PCF11: variants seen among roughly 807,000 people sequenced by gnomAD.
PCF11 encodes PCF11 cleavage and polyadenylation factor subunit, also known as pre-mRNA cleavage complex 2 protein Pcf11.
In PCF11, 19 loss-of-function variants were observed where a neutral mutation model predicts 166.1. The observed-to-expected ratio is 0.11, with a 90% CI of 0.08 to 0.17. The LOEUF (loss-of-function observed/expected upper bound fraction) is 0.17, where lower values mean the gene tolerates loss of function less well. PCF11 is among the 10% of genes least tolerant of loss of function. PCF11 has a pLI of 1.00. For missense variants in PCF11, 1,565 were observed against 1,855.5 expected, an observed-to-expected ratio of 0.84 and a Z score of 2.88; for synonymous variants, 663 against 644.1, an observed-to-expected ratio of 1.03 and a Z score of -0.44.
chr11:83,166,372 T>C (rs770363269), exon 5 of PCF11: 5 of 1,613,900 alleles, frequency 3.1e-6, no homozygotes, highest in Non-Finnish European at 4.2e-6. Context: ...TCACCAATTA[T>C]ACATTCCCCA....
intron 1 of PCF11, among the ~76,000 whole-genome samples, chr11:83,159,238 G>T (rs143348122): frequency 0.02 from 3,079 of 152,018 alleles, 103 homozygotes; most frequent in African/African-American, 0.07. Flanking sequence ...GGAAGCATTC[G>T]TCATACTCAA....
exon 1 of PCF11, chr11:83,157,297 C>G (rs565223483): frequency 1.4e-6 from 1 of 704,936 alleles, no homozygotes; most frequent in Non-Finnish European, 2.3e-6. Context: ...GTGTCGTCCC[C>G]CATCCCCCCT....
exon 16 of PCF11, chr11:83,186,276 T>C (rs929145907): frequency 3.9e-5 from 6 of 152,128 alleles, no homozygotes; most frequent in African/African-American, 1.4e-4. Context: ...AGGAGTGGAG[T>C]CCATACTGAT....
At chr11:83,160,200 A>G (rs1860178262) in intron 1 of PCF11, among the ~76,000 whole-genome samples, 1 of 151,930 alleles carries the variant, frequency 6.6e-6, no homozygotes, top group African/African-American at 2.4e-5. Flanking sequence ...GTTTTATTAT[A>G]TATGATGGCA....
At chr11:83,186,050 G>T (rs1292103652) in exon 16 of PCF11, 1 of 152,158 alleles carries the variant, frequency 6.6e-6, no homozygotes, top group Non-Finnish European at 1.5e-5. Context: ...ATGGTAGATG[G>T]TGTCCCCACT....
chr11:83,178,567 A>G (rs1354657709), intron 11 of PCF11, among the ~76,000 whole-genome samples: 1 of 151,896 alleles, frequency 6.6e-6, no homozygotes, highest in Admixed American at 6.6e-5. Flanking sequence ...AGGCCGAGGC[A>G]GGTGGATCAC....
rs1177543127 is a variant in PCF11, at chr11:83,177,744, C to G, written c.3908C>G (p.Pro1303Arg). The change falls in exon 11 of 16, where the codon CCT (proline) becomes CGT (arginine). Residue 1303 changes from proline to arginine, a missense_variant. Pro to Arg is a moderately radical substitution (Grantham distance 103, BLOSUM62 -2). Coordinates refer to ENST00000298281, the Ensembl canonical transcript of PCF11. Reference sequence around the variant, plus strand: ...AGTGAAGTAACTGCTCAGCCTCCCCCTGAAGAGGAGGAAGATCAAAATGAA... The same window carrying G: ...AGTGAAGTAACTGCTCAGCCTCCCCGTGAAGAGGAGGAAGATCAAAATGAA... The G allele has an allele frequency of 3.2e-6, 5 of 1,542,608 alleles. No individual in the cohort carries two copies. In the Admixed American group the frequency reaches 9.8e-5, roughly 30 times the overall value.
At position 83,182,520 on chromosome 11, in the gene PCF11, TTAAGA is replaced by T. The variant is rs770974110; in HGVS notation, c.4416+31_4416+35del. 7.0e-5 allele frequency: 76 copies of T among 1,078,476 alleles called. 1 individual carries two copies. Among genetic ancestry groups the T allele is most frequent in the Non-Finnish European group, 1.1e-4 (76 of 703,294 alleles). The allele number at this position is 1,078,476 out of a possible 1,614,324, so 66.8% of individuals were successfully genotyped here. On this transcript the variant is annotated intron_variant, in intron 14 of 15. Coordinates refer to ENST00000298281, the Ensembl canonical transcript of PCF11. ...ATTTTCATTTCTTTATAAGGAAGTGTTAAGATTAGTGTTTTTTTGTTGGGTTAACA... is the reference window on the plus strand; with the variant it reads ...ATTTTCATTTCTTTATAAGGAAGTGTTTAGTGTTTTTTTGTTGGGTTAACA...
Position 83,165,760 on chromosome 11 carries a change from A to G in PCF11, c.863A>G (p.Gln288Arg), listed in dbSNP as rs537570026. The G allele has an allele frequency of 3.1e-6, 5 of 1,613,260 alleles. No individual in the cohort carries two copies. The South Asian group carries it at 4.4e-5, about 14-fold the overall frequency. The change falls in exon 5 of 16, where the codon CAG becomes CGG. Residue 288 changes from glutamine (Q) to arginine (R), a missense_variant. Around this residue, in one of 12 missense-constraint regions of PCF11, gnomAD observed 468 missense variants for 483.4 expected, o/e 0.97. Coordinates refer to ENST00000298281, the Ensembl canonical transcript of PCF11. Reference sequence around the variant, plus strand: ...CGTCCAGGACCATCCTTACAAATTCAGGATTTAAAAGGAACTAACCGGGAT... The same window carrying G: ...CGTCCAGGACCATCCTTACAAATTCGGGATTTAAAAGGAACTAACCGGGAT...
intron 9 of PCF11, among the ~76,000 whole-genome samples, chr11:83,175,630 C>G (rs1157238973): frequency 6.6e-6 from 1 of 152,126 alleles, no homozygotes; most frequent in Non-Finnish European, 1.5e-5. Context: ...TGGCACGCAC[C>G]TGTAGTCCAG....
intron 11 of PCF11, among the ~76,000 whole-genome samples, chr11:83,178,641 G>A (rs927322279): frequency 4.0e-5 from 6 of 151,722 alleles, no homozygotes; most frequent in South Asian, 4.2e-4. Context: ...GTGAAACCCC[G>A]TCTCTACTAA....
intron 4 of PCF11, among the ~76,000 whole-genome samples, chr11:83,164,605 A>G (rs1860380378): frequency 6.6e-6 from 1 of 152,120 alleles, no homozygotes; most frequent in Admixed American, 6.6e-5. Flanking sequence ...TGCATAGGCC[A>G]GGCGCAGTGG....
Position 83,167,089 on chromosome 11 carries a change from A to G in PCF11, c.1818-36A>G, listed in dbSNP as rs201075718. The G allele has an allele frequency of 3.2e-5, 48 of 1,518,348 alleles. No individual in the cohort carries two copies. Among genetic ancestry groups the G allele is most frequent in the African/African-American group, 9.7e-5 (7 of 72,076 alleles). The allele number at this position is 1,518,348 out of a possible 1,614,324, so 94.1% of individuals were successfully genotyped here. ...ATGGTCCTGAGTATTTTTTAAAAAA[A>G]CATTTCAATGTAACATACTGCTTTT... On this transcript the variant is annotated intron_variant, in intron 5 of 15. Coordinates refer to ENST00000298281, the Ensembl canonical transcript of PCF11. The surrounding 1 kb of genome is among the most constrained non-coding windows in gnomAD (Gnocchi z 4.2).
intron 1 of PCF11, chr11:83,158,620 CGTCCCA>C (rs1860102911): frequency 1.3e-5 from 2 of 152,190 alleles, no homozygotes; most frequent in Non-Finnish European, 1.5e-5. Context: ...GTTTTAATAG[CGTCCCA>C]GTGCTACATT....
At chr11:83,185,601 AT>A (rs141819514) in exon 16 of PCF11, 15,711 of 151,140 alleles carry the variant, frequency 0.1, 960 homozygotes, top group Middle Eastern at 0.22. Flanking sequence ...ACTAAAGGTG[AT>A]TTTTTTTTTA....
Position 83,160,321 on chromosome 11 carries a change from G to GTTT in PCF11, c.193-986_193-984dup, listed in dbSNP as rs35201107. 7.7e-3 allele frequency among the ~76,000 whole-genome samples: 704 copies of GTTT among 91,156 alleles called. 8 individuals carry two copies. Among genetic ancestry groups the GTTT allele is most frequent in the Non-Finnish European group, 8.6e-3 (415 of 48,400 alleles). The allele number at this position is 91,156 out of a possible 152,430, so 59.8% of individuals were successfully genotyped here. ...GGGTGGGTAAATGGGGATAACCTAA[G>GTTT]TTTTTTTTTTTTTTTTTTTTTTGTC... On this transcript the variant is annotated intron_variant, in intron 1 of 15. Transcript: ENST00000298281.
chr11:83,182,011 TGA>T lies in PCF11; in HGVS notation c.4323+7_4323+8del. On this transcript the variant is annotated splice_donor_region_variant and intron_variant, in intron 13 of 15. Transcript: ENST00000298281. ...GCTGGACCAGCTGGAGCAGTTGAGG[TGA>T]GAGAAGAACGTTTAAGTTTTCTCAC... The T allele has an allele frequency of 4.4e-6, 7 of 1,597,540 alleles. No homozygotes were observed. Among genetic ancestry groups the T allele is most frequent in the Non-Finnish European group, 6.0e-6 (7 of 1,174,730 alleles).
At chr11:83,157,177 G>C in exon 1 of PCF11, 2 of 572,250 alleles carry the variant, frequency 3.5e-6, no homozygotes, top group Non-Finnish European at 6.2e-6. Context: ...AGCTGGAGCC[G>C]CCACTGCCGC....
chr11:83,174,038 T>A (rs1860791218), intron 9 of PCF11, among the ~76,000 whole-genome samples: 1 of 152,170 alleles, frequency 6.6e-6, no homozygotes, highest in African/African-American at 2.4e-5. Flanking sequence ...CTTGTTTTGC[T>A]TTTACAACCT....
Sources: gnomAD v4.1 joint callset for allele counts (sites outside exome capture counted in the v4.1 genomes callset) on GRCh38, gnomAD v4.1.1 for gene constraint, gnomAD v4.1.1 regional missense constraint, Gnocchi (gnomAD v3.1) non-coding constraint, MANE v1.5 for transcripts, NCBI Gene and HGNC (gene_info 2026-07-23, HGNC 2026-07-21) for gene names.